Variants in EYS observed in about 807,000 individuals in gnomAD.
The protein encoded by EYS is EGF-like photoreceptor maintenance factor.
Under a neutral mutation model 282.1 loss-of-function variants are expected in EYS, and 250 were observed. The ratio of observed to expected loss-of-function variants is 0.89; its 90% CI spans 0.80 to 0.98. The LOEUF is 0.98. Ranked by LOEUF, EYS falls within the 50% of genes least tolerant of loss-of-function variation. The pLI is 0.00. For missense variants in EYS, 4,016 were observed against 3,709.0 expected (o/e 1.08, Z -2.15); for synonymous variants, 1,355 against 1,282.9 (o/e 1.06, Z -1.20).
intron 36 of EYS, among the ~76,000 whole-genome samples, chr6:63,838,267 T>A (rs1771860144): frequency 1.3e-5 from 2 of 152,028 alleles, no homozygotes; most frequent in South Asian, 2.1e-4. Context: ...ATTTTTCAAA[T>A]GTGTTAAAAG....
At chr6:64,168,067 C>A (rs1764351259) in intron 31 of EYS, among the ~76,000 whole-genome samples, 1 of 152,134 alleles carries the variant, frequency 6.6e-6, no homozygotes, top group African/African-American at 2.4e-5. Context: ...TCGAGACCAT[C>A]CTGGCTAACA....
At chr6:64,430,691 G>A (rs771829764) in intron 28 of EYS, among the ~76,000 whole-genome samples, 7 of 152,012 alleles carry the variant, frequency 4.6e-5, no homozygotes, top group Non-Finnish European at 1.0e-4. Flanking sequence ...TTCCTCGTGG[G>A]TGCAAAGCTA....
intron 24 of EYS, among the ~76,000 whole-genome samples, chr6:64,607,134 T>C (rs891056574): frequency 1.8e-4 from 27 of 151,852 alleles, no homozygotes; most frequent in Admixed American, 9.2e-4. Flanking sequence ...GAAACAGAGA[T>C]TGGTTTTTAT....
At chr6:63,910,323 C>G (rs1328275189) in intron 35 of EYS, among the ~76,000 whole-genome samples, 1 of 152,054 alleles carries the variant, frequency 6.6e-6, no homozygotes, top group Non-Finnish European at 1.5e-5. Context: ...GTTGGGGCTA[C>G]TGATAAAGAA....
intron 26 of EYS, among the ~76,000 whole-genome samples, chr6:64,549,957 G>A (rs1391478247): frequency 5.9e-5 from 9 of 151,744 alleles, no homozygotes; most frequent in East Asian, 1.9e-4. Context: ...TCATTGTTCA[G>A]TTCCCACCTA....
intron 13 of EYS, among the ~76,000 whole-genome samples, chr6:65,056,699 C>A (rs1211878474): frequency 2.0e-5 from 3 of 151,800 alleles, no homozygotes; most frequent in African/African-American, 7.3e-5. Context: ...CCCACCTGCC[C>A]AAGCATGATA....
At chr6:65,552,186 C>T (rs1027983118) in intron 2 of EYS, among the ~76,000 whole-genome samples, 1 of 152,208 alleles carries the variant, frequency 6.6e-6, no homozygotes, top group African/African-American at 2.4e-5. Context: ...AGATTCCAGA[C>T]TTACCTCTTA....
At chr6:65,302,351 G>A (rs1224206473) in intron 11 of EYS, among the ~76,000 whole-genome samples, 1 of 152,146 alleles carries the variant, frequency 6.6e-6, no homozygotes, top group Non-Finnish European at 1.5e-5. Context: ...AGACACAGAC[G>A]TTCCTGTTGA....
At chr6:64,713,578 A>C (rs527564121) in intron 22 of EYS, among the ~76,000 whole-genome samples, 1 of 152,154 alleles carries the variant, frequency 6.6e-6, no homozygotes, top group Non-Finnish European at 1.5e-5. Context: ...AGCAGCTTGC[A>C]TCAGGCGCCC....
intron 2 of EYS, among the ~76,000 whole-genome samples, chr6:65,630,156 T>A (rs1766861791): frequency 6.6e-6 from 1 of 152,204 alleles, no homozygotes; most frequent in Non-Finnish European, 1.5e-5. Context: ...GACCATTATA[T>A]CTCCTGTTCT....
intron 11 of EYS, among the ~76,000 whole-genome samples, chr6:65,320,963 C>A (rs996450043): frequency 2.0e-5 from 3 of 152,222 alleles, no homozygotes. Context: ...CACAACCTGA[C>A]TTCTCCCTCT....
chr6:63,789,175 C>G lies in EYS; in HGVS notation c.7461G>C (p.Val2487=). The change falls in exon 38 of 43, where the codon GTG becomes GTC. Residue 2487 remains valine, a synonymous_variant. Transcript: ENST00000503581. ...FLAVGLLNGS[V]VYSYNLGSGI... ...CAGACCCCAGGTTATAACTATAAAC[C>G]ACACTGCCATTGAGCAGGCCCACAG... is the stretch of plus-strand genomic sequence containing the variant. 1 of 1,551,834 alleles carries G rather than the reference C, an allele frequency of 6.4e-7. No homozygotes were observed. Among genetic ancestry groups the G allele is most frequent in the Non-Finnish European group, 8.7e-7 (1 of 1,146,958 alleles).
intron 2 of EYS, among the ~76,000 whole-genome samples, chr6:65,621,860 A>G (rs1356946084): frequency 6.6e-6 from 1 of 152,212 alleles, no homozygotes; most frequent in African/African-American, 2.4e-5. Context: ...ATCACCAAAT[A>G]CAGATAATCA....
At chr6:64,802,023 CTT>C (rs1199002175) in intron 22 of EYS, among the ~76,000 whole-genome samples, 8 of 70,790 alleles carry the variant, frequency 1.1e-4, no homozygotes, top group African/African-American at 3.4e-4. Flanking sequence ...ATTTCTTTTT[CTT>C]TTTTTTTCTT....
At chr6:65,055,670 T>C (rs1253793119) in intron 13 of EYS, among the ~76,000 whole-genome samples, 1 of 152,070 alleles carries the variant, frequency 6.6e-6, no homozygotes, top group African/African-American at 2.4e-5. Context: ...ATTTGAGAAA[T>C]TCTAGTCAAG....
intron 13 of EYS, among the ~76,000 whole-genome samples, chr6:65,002,334 C>G (rs866094720): frequency 1.4e-5 from 2 of 147,004 alleles, no homozygotes; most frequent in African/African-American, 4.9e-5. Flanking sequence ...AAATCTGGAA[C>G]AAAAATAATA....
At chr6:64,485,968 A>G (rs564583829) in intron 26 of EYS, among the ~76,000 whole-genome samples, 1 of 151,564 alleles carries the variant, frequency 6.6e-6, no homozygotes, top group East Asian at 1.9e-4. Flanking sequence ...GAAAGAACCC[A>G]AGAGAAAATA....
At chr6:65,468,666 A>C (rs1765096091) in intron 5 of EYS, among the ~76,000 whole-genome samples, 1 of 151,366 alleles carries the variant, frequency 6.6e-6, no homozygotes, top group Admixed American at 6.7e-5. Context: ...CCTATTAAGG[A>C]AATCACAAAT....
intron 12 of EYS, among the ~76,000 whole-genome samples, chr6:65,069,583 T>C (rs376418283): frequency 3.9e-5 from 6 of 152,104 alleles, no homozygotes; most frequent in African/African-American, 1.2e-4. Flanking sequence ...TCCTTTACTT[T>C]GTGTGTCTCT....
Sources: allele counts gnomAD v4.1 joint callset (sites outside exome capture counted in the v4.1 genomes callset), GRCh38; gene constraint gnomAD v4.1.1; transcripts MANE v1.5; gene names NCBI Gene and HGNC (gene_info 2026-07-23, HGNC 2026-07-21).